PLCG2: variants seen among roughly 807,000 people sequenced by gnomAD.
PLCG2 encodes the protein phospholipase C gamma 2, also known as 1-phosphatidylinositol 4,5-bisphosphate phosphodiesterase gamma-2.
PLCG2 carries 69 observed loss-of-function variants against 175.6 expected under a neutral mutation model. That is an observed-to-expected ratio of 0.39 (90% CI 0.32 to 0.48). The LOEUF is 0.48. Ranked by LOEUF, PLCG2 falls within the 20% of genes least tolerant of loss-of-function variation. The probability of loss-of-function intolerance (pLI) is 0.91; values close to 1 mark genes in which losing one functional copy is unlikely to be tolerated. For missense variants in PLCG2, 1,798 were observed against 1,650.9 expected, an observed-to-expected ratio of 1.09 and a Z score of -1.54; for synonymous variants, 827 against 624.0, an observed-to-expected ratio of 1.33 and a Z score of -4.85.
At position 81,795,101 on chromosome 16, in the gene PLCG2, A is replaced by T. The variant is rs535390015; in HGVS notation, c.193+8919A>T. Among the ~76,000 whole-genome samples, 4 of 152,368 alleles carry T rather than the reference A, an allele frequency of 2.6e-5. No individual in the cohort carries two copies. In the South Asian group the frequency reaches 8.3e-4, roughly 32 times the overall value. ...AAGAGGACCTGATGTGTGTTGGGCA[A>T]TGTGCTTGTCACTGGGGATAAAGTA... On this transcript the variant is annotated intron_variant, in intron 2 of 32. Transcript: ENST00000564138.
chr16:81,760,760 T>TAAAAAAAA (rs55942382), intron 2 of PLCG2, among the ~76,000 whole-genome samples: 7 of 139,586 alleles, frequency 5.0e-5, no homozygotes, highest in East Asian at 2.1e-4. Flanking sequence ...AAAAAAAAAA[T>TAAAAAAAA]AATAATAATA....
In PLCG2 at chr16:81,752,709, G is replaced by A. The variant is rs147670192; in HGVS notation, c.-144-3161G>A. Among the ~76,000 whole-genome samples, 89 of 152,324 alleles carry A rather than the reference G, an allele frequency of 5.8e-4. 1 individual carries two copies. The highest frequency in any genetic ancestry group is 1.9e-3 in the African/African-American group (80 of 41,590). On this transcript the variant is annotated intron_variant, in intron 1 of 5. Transcript: ENST00000565054. The stretch of plus-strand genomic sequence containing the variant: ...GCTTCCAGCAACTTCCATGAAGGAC[G>A]TGACTGTAGACGAGGCCCACTCCTT...
At chr16:81,953,252 C>A (rs1911438597) in intron 31 of PLCG2, among the ~76,000 whole-genome samples, 1 of 152,140 alleles carries the variant, frequency 6.6e-6, no homozygotes, top group Non-Finnish European at 1.5e-5. Flanking sequence ...GAAAAGGAGA[C>A]TGGTGGAAAA....
At chr16:81,935,544 G>A (rs954362692) in intron 26 of PLCG2, 2 of 985,260 alleles carry the variant, frequency 2.0e-6, no homozygotes, top group African/African-American at 3.5e-5. Flanking sequence ...TAGAACAGAA[G>A]ACCAGCCAGA....
intron 9 of PLCG2, among the ~76,000 whole-genome samples, chr16:81,888,208 C>A (rs1908461202): frequency 6.6e-6 from 1 of 152,096 alleles, no homozygotes; most frequent in Non-Finnish European, 1.5e-5. Context: ...CTGCCACGGT[C>A]AGAGTACTTT....
intron 11 of PLCG2, among the ~76,000 whole-genome samples, 160 bp from the exon 12 acceptor site, chr16:81,893,549 T>A (rs1908738053): frequency 6.6e-6 from 1 of 152,234 alleles, no homozygotes; most frequent in African/African-American, 2.4e-5. Context: ...GATTGTGTAT[T>A]TCTGTCCTAG....
In PLCG2 at chr16:81,939,912, A is replaced by T; in HGVS notation, c.3334A>T (p.Ile1112Phe). Residue 1112 changes from isoleucine to phenylalanine, a missense_variant, in exon 30 of 33, where the codon ATC becomes TTC. Transcript: ENST00000564138. ...TCCAGATGATAATGGCCTCAGCCCT[A>T]TCTGGGCTCCAACACAGGAGAAGGT... The part of the protein sequence containing the change: ...TVVNDNGLSP[I>F]WAPTQEKVTF... 6.2e-7 allele frequency: 1 copy of T among 1,613,592 alleles called. No individual in the cohort carries two copies. The highest frequency in any genetic ancestry group is 8.5e-7 in the Non-Finnish European group (1 of 1,179,464).
chr16:81,905,034 C>T (rs1454821407), intron 14 of PLCG2, among the ~76,000 whole-genome samples: 9 of 152,298 alleles, frequency 5.9e-5, no homozygotes, highest in East Asian at 1.9e-4. Flanking sequence ...ATTACAGGCG[C>T]GTGCCACCAT....
rs1177721941 is a variant in PLCG2 at position 81,900,595 on chromosome 16, C to G, written c.1194-17C>G. 1.9e-6 allele frequency: 3 copies of G among 1,580,308 alleles called. No homozygotes were observed. Among genetic ancestry groups the G allele is most frequent in the Non-Finnish European group, 2.6e-6 (3 of 1,153,900 alleles). ...TGTGCTCCCCCTGCCGAGCTGCCCA[C>G]CCTCTTCTGCCTGCAGCTTCCCAGT... is the stretch of plus-strand genomic sequence containing the variant. On this transcript the variant is annotated splice_polypyrimidine_tract_variant and intron_variant, in intron 13 of 32. Transcript: ENST00000564138.
intron 19 of PLCG2, among the ~76,000 whole-genome samples, chr16:81,914,874 CCA>C (rs1263593387): frequency 6.6e-6 from 1 of 152,216 alleles, no homozygotes; most frequent in Non-Finnish European, 1.5e-5. Flanking sequence ...GAAGCTCAGT[CCA>C]CACAGTGTTT....
intron 2 of PLCG2, among the ~76,000 whole-genome samples, chr16:81,823,080 C>T (rs1185281702): frequency 2.0e-5 from 3 of 152,228 alleles, no homozygotes; most frequent in Admixed American, 6.5e-5. Context: ...AGCCGTAGGG[C>T]ACTTATAAAG....
intron 2 of PLCG2, chr16:81,766,694 T>C (rs1014422535): frequency 1.3e-5 from 2 of 152,292 alleles, no homozygotes; most frequent in Non-Finnish European, 2.9e-5. Flanking sequence ...TTTTGTCTTT[T>C]TTTCCCCTTG....
chr16:81,878,299 T>A (rs1469182466), intron 7 of PLCG2, among the ~76,000 whole-genome samples: 1 of 152,094 alleles, frequency 6.6e-6, no homozygotes, highest in Non-Finnish European at 1.5e-5. Context: ...CTCCCTCTTT[T>A]AAGAAGCCAG....
chr16:81,824,702 A>G (rs905304558), intron 2 of PLCG2, among the ~76,000 whole-genome samples: 2 of 152,236 alleles, frequency 1.3e-5, no homozygotes, highest in Non-Finnish European at 2.9e-5. Context: ...CGTAGCTGCC[A>G]TGTGACCTCT....
At chr16:81,935,690 C>CCCCTTCCCTCTCCTCCTGTTCT in intron 26 of PLCG2, 3 of 985,298 alleles carry the variant, frequency 3.0e-6, no homozygotes, top group Non-Finnish European at 3.6e-6. Context: ...TGAGGCCTGT[C>CCCCTTCCCTCTCCTCCTGTTCT]CCCTTCCCTC....
At chr16:81,915,454 G>T (rs1335880388) in intron 19 of PLCG2, among the ~76,000 whole-genome samples, 2 of 152,242 alleles carry the variant, frequency 1.3e-5, no homozygotes, top group Non-Finnish European at 2.9e-5. Flanking sequence ...CTCAGGCTGT[G>T]GCCGTGGCAT....
At chr16:81,872,189 A>G (rs565068977) in intron 7 of PLCG2, among the ~76,000 whole-genome samples, 3 of 152,242 alleles carry the variant, frequency 2.0e-5, no homozygotes, top group African/African-American at 7.2e-5. Flanking sequence ...TTAGCCAGGC[A>G]TGGTGGTGTG....
chr16:81,891,504 C>T lies in PLCG2; in HGVS notation c.900C>T (p.Ser300=), dbSNP rs1426756781. 1.2e-6 allele frequency: 2 copies of T among 1,609,782 alleles called. No homozygotes were observed. The highest frequency in any genetic ancestry group is 1.3e-5 in the African/African-American group (1 of 74,948). The change falls in exon 11 of 33, where the codon AGC becomes AGT. Residue 300 remains serine, a synonymous_variant. Transcript: ENST00000564138. ...FLTYLFSREN[S]IWDEKYDAVD... ...CGTACCTGTTTTCACGAGAAAACAG[C>T]ATCTGGGATGAGAAGTATGACGCGG... is the stretch of plus-strand genomic sequence containing the variant.
At chr16:81,939,621 G>A (rs746089793) in intron 29 of PLCG2, among the ~76,000 whole-genome samples, 21 of 152,104 alleles carry the variant, frequency 1.4e-4, no homozygotes, top group African/African-American at 4.3e-4. Context: ...CACCTCCCCC[G>A]TTCCCTTGTC....
Sources: gnomAD v4.1 joint callset for allele counts (sites outside exome capture counted in the v4.1 genomes callset) on GRCh38, gnomAD v4.1.1 for gene constraint, MANE v1.5 for transcripts, NCBI Gene and HGNC (gene_info 2026-07-23, HGNC 2026-07-21) for gene names.